The following ERC2 variants were observed in gnomAD, a reference collection of about 807,000 sequenced individuals.
ERC2 encodes the protein ERC protein 2.
In ERC2, 42 loss-of-function variants were observed where a neutral mutation model predicts 114.8. That is an observed-to-expected ratio of 0.37 (90% CI 0.29 to 0.47). The LOEUF (loss-of-function observed/expected upper bound fraction) is 0.47. Among genes scored for constraint, ERC2 ranks in the 20% least tolerant of loss-of-function variants. ERC2 has a pLI of 0.99. For missense variants in ERC2, 939 were observed against 1,150.7 expected (o/e 0.82, Z 2.66); for synonymous variants, 454 against 425.5 (o/e 1.07, Z -0.82).
At chr3:56,308,792 A>C (rs1409616743) in intron 2 of ERC2, among the ~76,000 whole-genome samples, 2 of 142,142 alleles carry the variant, frequency 1.4e-5, no homozygotes, top group Non-Finnish European at 3.2e-5. Context: ...AAAAGTCGTG[A>C]AGTTTTTTTT....
At chr3:56,213,015 G>A (rs943331916) in intron 3 of ERC2, among the ~76,000 whole-genome samples, 1 of 152,184 alleles carries the variant, frequency 6.6e-6, no homozygotes, top group Non-Finnish European at 1.5e-5. Flanking sequence ...AATAGACTTT[G>A]CGGACTTTGG....
At chr3:56,203,030 A>G (rs149146619) in intron 3 of ERC2, among the ~76,000 whole-genome samples, 1 of 152,352 alleles carries the variant, frequency 6.6e-6, no homozygotes, top group East Asian at 1.9e-4. Context: ...TCTTAGGTCT[A>G]AAGAATCATG....
chr3:56,121,905 G>C (rs1398533866), intron 6 of ERC2, among the ~76,000 whole-genome samples: 1 of 152,132 alleles, frequency 6.6e-6, no homozygotes, highest in Non-Finnish European at 1.5e-5. Flanking sequence ...GCTGCCACAT[G>C]TGCTTGACTT....
At position 55,640,789 on chromosome 3, in the gene ERC2, AG is replaced by A. The variant is rs143603620; in HGVS notation, c.*39+43004del. Among the ~76,000 whole-genome samples the A allele has an allele frequency of 7.4e-3, 1,121 of 152,312 alleles. 19 individuals are homozygous for A. The highest frequency in any genetic ancestry group is 0.025 in the African/African-American group (1,049 of 41,556). On this transcript the variant is annotated intron_variant, in intron 17 of 17. Transcript: ENST00000288221. ...CAACAGTCCCTGCAGGTCTTCAACA[AG>A]CCCTGTAGGAGACGTTCTTTTTGCC...
In ERC2 at chr3:55,662,258, G is replaced by T. The variant is rs1368605420; in HGVS notation, c.*39+21536C>A. Among the ~76,000 whole-genome samples, 5 of 152,184 alleles carry T rather than the reference G, an allele frequency of 3.3e-5. No homozygotes were observed. The East Asian group carries it at 9.6e-4, about 29-fold the overall frequency. On this transcript the variant is annotated intron_variant, in intron 17 of 17. Transcript: ENST00000288221. ...GAAATACTTGCACATACGCCCAAAG[G>T]CATATACACAAAATTATTTACTGCA...
intron 13 of ERC2, among the ~76,000 whole-genome samples, chr3:55,940,040 C>G (rs2066685958): frequency 6.6e-6 from 1 of 152,198 alleles, no homozygotes; most frequent in Non-Finnish European, 1.5e-5. Flanking sequence ...ACATTTAAAG[C>G]CAGGTATTCT....
intron 12 of ERC2, among the ~76,000 whole-genome samples, chr3:55,981,084 C>T (rs2070093756): frequency 6.6e-6 from 1 of 152,224 alleles, no homozygotes; most frequent in East Asian, 1.9e-4. Context: ...AGGCTAGGAT[C>T]GGAAAGGTGT....
intron 3 of ERC2, among the ~76,000 whole-genome samples, chr3:56,219,023 A>T (rs1204712606): frequency 6.6e-6 from 1 of 152,170 alleles, no homozygotes; most frequent in African/African-American, 2.4e-5. Flanking sequence ...GCATCAGGAG[A>T]TATACCTAAT....
intron 9 of ERC2, 126 bp from the exon 10 acceptor site, chr3:56,007,447 TTA>T: frequency 1.1e-6 from 1 of 875,204 alleles, no homozygotes. Context: ...AAATATAATC[TTA>T]CTAAGGTAAC....
intron 3 of ERC2, among the ~76,000 whole-genome samples, chr3:56,266,184 G>A (rs2053291907): frequency 7.2e-6 from 1 of 138,502 alleles, no homozygotes; most frequent in African/African-American, 2.8e-5. Context: ...AGGCTGGAGT[G>A]CAGTGGCACA....
At chr3:56,153,321 C>T (rs143314015) in intron 4 of ERC2, among the ~76,000 whole-genome samples, 27 of 152,240 alleles carry the variant, frequency 1.8e-4, no homozygotes, top group South Asian at 6.2e-4. Flanking sequence ...CACAGATCAG[C>T]GGCACTGACA....
intron 2 of ERC2, among the ~76,000 whole-genome samples, chr3:56,379,926 C>T (rs2059683913): frequency 2.0e-5 from 3 of 152,114 alleles, no homozygotes; most frequent in South Asian, 4.2e-4. Flanking sequence ...CTCTGGGTCA[C>T]GCATTGTTCT....
chr3:55,694,144 G>A (rs942438775), intron 16 of ERC2, among the ~76,000 whole-genome samples: 2 of 152,170 alleles, frequency 1.3e-5, no homozygotes, highest in African/African-American at 2.4e-5. Flanking sequence ...ATAAATACAC[G>A]TGGTTGCATA....
chr3:56,300,003 A>T (rs1379782418), intron 2 of ERC2, among the ~76,000 whole-genome samples: 1 of 152,200 alleles, frequency 6.6e-6, no homozygotes, highest in African/African-American at 2.4e-5. Flanking sequence ...CTTTGAATGG[A>T]CACATTCCTT....
chr3:55,993,769 T>C (rs1319222282), intron 10 of ERC2, among the ~76,000 whole-genome samples: 1 of 152,030 alleles, frequency 6.6e-6, no homozygotes, highest in Non-Finnish European at 1.5e-5. Flanking sequence ...AAAACATTTA[T>C]TTTCATTTAT....
intron 13 of ERC2, among the ~76,000 whole-genome samples, chr3:55,898,343 G>A (rs556653840): frequency 5.3e-4 from 80 of 152,260 alleles, no homozygotes; most frequent in African/African-American, 1.9e-3. Context: ...CAGTTCTGCA[G>A]TGTGGCAAAG....
intron 8 of ERC2, among the ~76,000 whole-genome samples, chr3:56,014,079 C>T (rs902664629): frequency 4.0e-4 from 60 of 150,324 alleles, no homozygotes; most frequent in African/African-American, 1.4e-3. Flanking sequence ...TCTATATCTG[C>T]TTTTATTCTT....
intron 6 of ERC2, among the ~76,000 whole-genome samples, chr3:56,084,927 A>G (rs953111463): frequency 5.3e-5 from 8 of 151,904 alleles, no homozygotes; most frequent in Admixed American, 4.6e-4. Flanking sequence ...AGAAAAAAAA[A>G]GTCAATAGGA....
At chr3:56,216,908 A>G (rs909116678) in intron 3 of ERC2, among the ~76,000 whole-genome samples, 24 of 152,256 alleles carry the variant, frequency 1.6e-4, no homozygotes, top group Non-Finnish European at 2.8e-4. Flanking sequence ...TTATCTCAAT[A>G]GACGCAGAAA....
Sources: allele counts gnomAD v4.1 joint callset (sites outside exome capture counted in the v4.1 genomes callset), GRCh38; gene constraint gnomAD v4.1.1; transcripts MANE v1.5; gene names NCBI Gene and HGNC (gene_info 2026-07-23, HGNC 2026-07-21).